The following LRRK1 variants were observed in gnomAD, a reference collection of about 807,000 sequenced individuals.
The protein encoded by LRRK1 is leucine rich repeat kinase 1.
Under a neutral mutation model 209.1 loss-of-function variants are expected in LRRK1, and 113 were observed. The ratio of observed to expected loss-of-function variants is 0.54; its 90% CI spans 0.46 to 0.63. LRRK1 has a LOEUF of 0.63. LRRK1 is among the 30% of genes least tolerant of loss of function. The pLI is 0.00. For synonymous variants in LRRK1, 1,144 were observed against 1,099.7 expected (o/e 1.04, Z -0.80); for missense variants, 2,284 against 2,632.2 (o/e 0.87, Z 2.89).
chr15:101,050,092 G>C (rs1386439183), intron 23 of LRRK1, among the ~76,000 whole-genome samples: 1 of 152,218 alleles, frequency 6.6e-6, no homozygotes, highest in Non-Finnish European at 1.5e-5. Flanking sequence ...GAGATGCTCA[G>C]TGTGAGCTCA....
chr15:101,068,062 A>T (rs545590149), intron 33 of LRRK1, among the ~76,000 whole-genome samples: 1 of 152,302 alleles, frequency 6.6e-6, no homozygotes, highest in East Asian at 1.9e-4. Context: ...AAAGGCAATT[A>T]GTATGTGCTT....
chr15:101,005,444 T>C (rs1009629835), intron 6 of LRRK1, among the ~76,000 whole-genome samples: 2 of 152,092 alleles, frequency 1.3e-5, no homozygotes, highest in East Asian at 3.8e-4. Flanking sequence ...TTGTGGATTA[T>C]GGAAAGATGA....
intron 24 of LRRK1, 60 bp from the exon 25 acceptor site, chr15:101,052,862 C>T: frequency 6.4e-7 from 1 of 1,566,332 alleles, no homozygotes. Context: ...AATGACCCAG[C>T]CCAGGACCCA....
At chr15:101,003,797 A>G (rs1329372988) in intron 6 of LRRK1, among the ~76,000 whole-genome samples, 1 of 151,986 alleles carries the variant, frequency 6.6e-6, no homozygotes, top group Non-Finnish European at 1.5e-5. Flanking sequence ...AAACCATATC[A>G]CCCTCTTAGC....
intron 4 of LRRK1, among the ~76,000 whole-genome samples, chr15:100,984,624 A>T (rs976459258): frequency 1.3e-5 from 2 of 152,196 alleles, no homozygotes; most frequent in African/African-American, 4.8e-5. Context: ...AGCGATATGC[A>T]TTTAAGGTTT....
intron 2 of LRRK1, among the ~76,000 whole-genome samples, chr15:100,935,611 A>G (rs910697761): frequency 3.9e-5 from 6 of 152,330 alleles, no homozygotes; most frequent in Non-Finnish European, 8.8e-5. Context: ...AGAAGGCACC[A>G]GGAGGGCCAG....
chr15:101,025,167 C>T (rs1271543442), intron 16 of LRRK1, among the ~76,000 whole-genome samples, 200 bp downstream of exon 16: 5 of 152,166 alleles, frequency 3.3e-5, no homozygotes, highest in African/African-American at 4.8e-5. Flanking sequence ...GTAATTTCCC[C>T]GCTTCCCTTA....
At chr15:101,008,051 G>C (rs1186934450) in intron 6 of LRRK1, among the ~76,000 whole-genome samples, 2 of 149,434 alleles carry the variant, frequency 1.3e-5, no homozygotes, top group African/African-American at 4.9e-5. Flanking sequence ...GCTGAGGCAG[G>C]AGAATCGCTT....
At chr15:100,951,222 A>G (rs527616550) in intron 2 of LRRK1, among the ~76,000 whole-genome samples, 1 of 152,384 alleles carries the variant, frequency 6.6e-6, no homozygotes, top group East Asian at 1.9e-4. Context: ...GGAAATGCGA[A>G]GCAAAACCAC....
In LRRK1 at chr15:101,027,521, A is replaced by C. The variant is rs1369767860; in HGVS notation, c.2527-117A>C. 4.0e-6 allele frequency: 6 copies of C among 1,498,996 alleles called. No homozygotes were observed. The highest frequency in any genetic ancestry group is 5.4e-6 in the Non-Finnish European group (6 of 1,112,314). The allele number at this position is 1,498,996 out of a possible 1,614,324, so 92.9% of individuals were successfully genotyped here. A position where few individuals can be genotyped will look rare whatever the true frequency, so the allele number is the denominator to read the frequency against. On this transcript the variant is annotated intron_variant, in intron 18 of 33. Coordinates refer to ENST00000388948, the MANE Select transcript of LRRK1 (RefSeq NM_024652.6). The surrounding 1 kb of genome is among the most constrained non-coding windows in gnomAD (Gnocchi z 5.1). Reference sequence around the variant, plus strand: ...CCTGGTGAGGGAGGGTCAGGATGGAAGATAGTGGGTGGAAACGTCCCACCC... The same window carrying C: ...CCTGGTGAGGGAGGGTCAGGATGGACGATAGTGGGTGGAAACGTCCCACCC...
chr15:101,011,952 C>G (rs2033269904), intron 9 of LRRK1, 56 bp from the exon 10 acceptor site: 5 of 1,264,716 alleles, frequency 4.0e-6, no homozygotes, highest in South Asian at 2.7e-5. Flanking sequence ...CTCAAAGGCA[C>G]CACTGCATTT....
intron 6 of LRRK1, among the ~76,000 whole-genome samples, chr15:101,004,686 G>A (rs1056773995): frequency 6.6e-6 from 1 of 152,170 alleles, no homozygotes; most frequent in Non-Finnish European, 1.5e-5. Flanking sequence ...CCTCCACTGC[G>A]GCTTGCCCAG....
chr15:101,020,498 C>G (rs189419885), intron 12 of LRRK1, among the ~76,000 whole-genome samples: 57 of 152,036 alleles, frequency 3.7e-4, no homozygotes, highest in African/African-American at 1.3e-3. Flanking sequence ...CCTCAGCCCC[C>G]CCGAGTAGCT....
Position 101,066,620 on chromosome 15 carries a change from T to C in LRRK1, c.5769-20T>C, listed in dbSNP as rs1178028779. The C allele has an allele frequency of 1.2e-6, 2 of 1,611,516 alleles. No homozygotes were observed. Among genetic ancestry groups the C allele is most frequent in the South Asian group, 1.1e-5 (1 of 91,032 alleles). On this transcript the variant is annotated intron_variant, in intron 32 of 33. Coordinates refer to ENST00000388948, the MANE Select transcript of LRRK1 (RefSeq NM_024652.6). ...CGGCTACCGACAAATCGCTTCCCCT[T>C]CTGGGTTTTGGTTGCTTAGGCGCGG...
intron 2 of LRRK1, among the ~76,000 whole-genome samples, chr15:100,967,608 G>A (rs72765048): frequency 1.3e-5 from 2 of 152,146 alleles, no homozygotes; most frequent in Non-Finnish European, 2.9e-5. Flanking sequence ...CATATGGCAA[G>A]CCATGCATTT....
intron 20 of LRRK1, among the ~76,000 whole-genome samples, chr15:101,031,311 C>G (rs1374936356): frequency 6.6e-6 from 1 of 152,228 alleles, no homozygotes; most frequent in Non-Finnish European, 1.5e-5. Context: ...ACTTCCAGCA[C>G]CAGAGCCTAC....
chr15:101,023,907 G>A (rs2033906454), intron 15 of LRRK1, among the ~76,000 whole-genome samples: 2 of 152,196 alleles, frequency 1.3e-5, no homozygotes, highest in Non-Finnish European at 1.5e-5. Context: ...TTCTCTCCAG[G>A]AACCAGAATC....
chr15:100,960,148 C>T (rs2411999), intron 2 of LRRK1, among the ~76,000 whole-genome samples: 8,232 of 152,110 alleles, frequency 0.054, 343 homozygotes, highest in African/African-American at 0.12. Flanking sequence ...CCAGAGTTAT[C>T]GTTTTGGGGG....
chr15:100,941,340 G>GTGTGTGTGTC (rs1567190748), intron 2 of LRRK1, among the ~76,000 whole-genome samples: 6 of 147,442 alleles, frequency 4.1e-5, no homozygotes, highest in African/African-American at 1.6e-4. Flanking sequence ...GTGTCTCTGT[G>GTGTGTGTGTC]TGTGTCTTTG....
Sources: allele counts gnomAD v4.1 joint callset (sites outside exome capture counted in the v4.1 genomes callset), GRCh38; gene constraint gnomAD v4.1.1; non-coding constraint Gnocchi (gnomAD v3.1); transcripts MANE v1.5; gene names NCBI Gene and HGNC (gene_info 2026-07-23, HGNC 2026-07-21).